GLIS3: variants seen among roughly 807,000 people sequenced by gnomAD.
GLIS3 encodes GLIS family zinc finger 3, also known as zinc finger protein GLIS3.
In GLIS3, 53 loss-of-function variants were observed where a neutral mutation model predicts 78.6. The ratio of observed to expected loss-of-function variants is 0.67; its 90% CI spans 0.54 to 0.85. The LOEUF (loss-of-function observed/expected upper bound fraction) is 0.85, where lower values mean the gene tolerates loss of function less well. Among genes scored for constraint, GLIS3 ranks in the 40% least tolerant of loss-of-function variants. The probability of loss-of-function intolerance (pLI) is 0.00; values close to 1 mark genes in which losing one functional copy is unlikely to be tolerated. For synonymous variants in GLIS3, 684 were observed against 509.9 expected, an observed-to-expected ratio of 1.34 and a Z score of -4.60; for missense variants, 1,703 against 1,231.1, an observed-to-expected ratio of 1.38 and a Z score of -5.74.
chr9:4,359,849 C>T, the GLIS3 span, among the ~76,000 whole-genome samples: 1 of 152,072 alleles, frequency 6.6e-6, no homozygotes, highest in Admixed American at 6.5e-5. Context: ...TAAAAGCGGG[C>T]ACCAATATAT....
chr9:3,955,119 G>C (rs148001827), intron 4 of GLIS3, among the ~76,000 whole-genome samples: 1 of 152,184 alleles, frequency 6.6e-6, no homozygotes, highest in Admixed American at 6.5e-5. Context: ...GCCAAATGAA[G>C]ACGACCTGGG....
chr9:4,438,654 G>C, the GLIS3 span, among the ~76,000 whole-genome samples: 2 of 152,190 alleles, frequency 1.3e-5, no homozygotes, highest in African/African-American at 2.4e-5. Context: ...GGCAGGGACA[G>C]GTGAAGATAA....
chr9:3,854,795 C>A (rs189295763), intron 9 of GLIS3, among the ~76,000 whole-genome samples: 1 of 152,112 alleles, frequency 6.6e-6, no homozygotes, highest in East Asian at 1.9e-4. Flanking sequence ...CCACCCGCCT[C>A]GGCCTCCCAA....
rs1299594538 is a variant in GLIS3, at chr9:4,190,262, G to A, written c.389-64321C>T. Reference sequence around the variant, plus strand: ...CTACAGGAGGAAATTCAAACCAAAGGCAAAGAAGTTAAAAACTTTGAAAAA... The same window carrying A: ...CTACAGGAGGAAATTCAAACCAAAGACAAAGAAGTTAAAAACTTTGAAAAA... On this transcript the variant is annotated intron_variant, in intron 2 of 10. Coordinates refer to ENST00000381971, the MANE Select transcript of GLIS3 (RefSeq NM_001042413.2). Among the ~76,000 whole-genome samples the A allele has an allele frequency of 2.0e-5, 3 of 152,182 alleles. 1 individual carries two copies. In the East Asian group the frequency reaches 5.8e-4, roughly 29 times the overall value.
At chr9:4,471,357 A>G in the GLIS3 span, among the ~76,000 whole-genome samples, 2 of 152,216 alleles carry the variant, frequency 1.3e-5, no homozygotes, top group African/African-American at 2.4e-5. Context: ...TTCAAACTAT[A>G]CTGCCAGGCT....
chr9:4,222,348 C>G (rs1414574000), intron 2 of GLIS3, among the ~76,000 whole-genome samples: 1 of 152,212 alleles, frequency 6.6e-6, no homozygotes, highest in Non-Finnish European at 1.5e-5. Context: ...ATTCTCTCTG[C>G]ATCAGATTTC....
At chr9:4,487,399 T>A in the GLIS3 span, among the ~76,000 whole-genome samples, 1 of 152,124 alleles carries the variant, frequency 6.6e-6, no homozygotes, top group African/African-American at 2.4e-5. Context: ...AATACCTCCA[T>A]GAGGTAAAGA....
chr9:4,428,253 C>T, the GLIS3 span, among the ~76,000 whole-genome samples: 24,319 of 151,334 alleles, frequency 0.16, 2,068 homozygotes, highest in South Asian at 0.22. Flanking sequence ...TTGAGGCGGG[C>T]GGATCACTTG....
At chr9:3,914,989 GT>G (rs1824405839) in intron 6 of GLIS3, among the ~76,000 whole-genome samples, 1 of 147,754 alleles carries the variant, frequency 6.8e-6, no homozygotes, top group African/African-American at 2.5e-5. Context: ...TCTGAGCACT[GT>G]ATGTCTTAGA....
At chr9:4,140,127 C>A (rs1391027697) in intron 2 of GLIS3, among the ~76,000 whole-genome samples, 1 of 152,136 alleles carries the variant, frequency 6.6e-6, no homozygotes, top group Non-Finnish European at 1.5e-5. Context: ...AGTGTGAGAC[C>A]AGCCTGGACA....
chr9:4,352,830 C>T (rs920243228), upstream of GLIS3, among the ~76,000 whole-genome samples: 1 of 152,194 alleles, frequency 6.6e-6, no homozygotes, highest in Non-Finnish European at 1.5e-5. Flanking sequence ...AATGAATCTT[C>T]ATAGTTAGGT....
At chr9:4,119,033 T>C (rs1365340763) in intron 3 of GLIS3, 152 bp from the exon 4 acceptor site, 5 of 843,388 alleles carry the variant, frequency 5.9e-6, no homozygotes. Context: ...TGGGCTAAGA[T>C]AAAATCCAAG....
rs186557938 is a variant in GLIS3 at position 4,323,475 on chromosome 9, A to G, written n.265-12947T>C. Among the ~76,000 whole-genome samples, 6 of 152,216 alleles carry G rather than the reference A, an allele frequency of 3.9e-5. No individual in the cohort carries two copies. The East Asian group carries it at 1.2e-3, about 29-fold the overall frequency. ...AGCTGTGTGTAGCAGGGATTCATTC[A>G]TTTATATTACTGTGTAATATTCCAT... On this transcript the variant is annotated intron_variant and non_coding_transcript_variant, in intron 2 of 4. Transcript: ENST00000471664.
upstream of GLIS3, among the ~76,000 whole-genome samples, chr9:4,352,866 T>A (rs914387603): frequency 6.6e-6 from 1 of 152,234 alleles, no homozygotes; most frequent in Non-Finnish European, 1.5e-5. Context: ...TTTGTGAACT[T>A]TAAAAGAAAA....
At chr9:4,318,287 C>T (rs552888960) in intron 2 of GLIS3, among the ~76,000 whole-genome samples, 2 of 152,198 alleles carry the variant, frequency 1.3e-5, no homozygotes, top group South Asian at 4.1e-4. Context: ...ATGTATATCT[C>T]CCAGTTCTGT....
the GLIS3 span, among the ~76,000 whole-genome samples, chr9:4,373,699 G>A: frequency 7.1e-6 from 1 of 141,770 alleles, no homozygotes; most frequent in Non-Finnish European, 1.5e-5. Flanking sequence ...ACGGAGTCTT[G>A]CTCTTGTCGC....
chr9:4,092,394 C>T (rs982530860), intron 4 of GLIS3, among the ~76,000 whole-genome samples: 2 of 151,994 alleles, frequency 1.3e-5, no homozygotes, highest in Non-Finnish European at 2.9e-5. Context: ...GCTCGTGATC[C>T]GCCTGCCTCA....
chr9:4,212,845 T>C (rs887423538), intron 2 of GLIS3, among the ~76,000 whole-genome samples: 2 of 152,236 alleles, frequency 1.3e-5, no homozygotes, highest in African/African-American at 2.4e-5. Flanking sequence ...AAGAGCTTCA[T>C]AGGCACATTA....
intron 2 of GLIS3, among the ~76,000 whole-genome samples, chr9:4,345,845 G>A (rs1440804673): frequency 1.3e-5 from 2 of 152,216 alleles, no homozygotes; most frequent in Non-Finnish European, 2.9e-5. Context: ...GTAAGGCAGG[G>A]AATGACACGT....
Sources: gnomAD v4.1 joint callset for allele counts (sites outside exome capture counted in the v4.1 genomes callset) on GRCh38, gnomAD v4.1.1 for gene constraint, MANE v1.5 for transcripts, NCBI Gene and HGNC (gene_info 2026-07-23, HGNC 2026-07-21) for gene names.